The following FREM1 variants were observed in gnomAD, a reference collection of about 807,000 sequenced individuals.
FREM1 encodes FRAS1-related extracellular matrix protein 1.
FREM1 carries 220 observed loss-of-function variants against 210.1 expected under a neutral mutation model. The observed-to-expected ratio is 1.05, with a 90% confidence interval of 0.94 to 1.17. The LOEUF is 1.17. FREM1 is among the 50% of genes most tolerant of loss of function. The pLI, the probability that FREM1 is intolerant of heterozygous loss-of-function variation, is 0.00. For missense variants in FREM1, 3,454 were observed against 2,675.5 expected (o/e 1.29, Z -6.42); for synonymous variants, 1,189 against 980.2 (o/e 1.21, Z -3.98).
intron 7 of FREM1, among the ~76,000 whole-genome samples, chr9:14,848,336 T>C (rs369351817): frequency 7.2e-5 from 11 of 152,298 alleles, no homozygotes; most frequent in Non-Finnish European, 7.4e-5. Context: ...TTGGAACAAT[T>C]TGAGTTGGAG....
At position 14,772,576 on chromosome 9, in the gene FREM1, G is replaced by T. The variant is rs116777748; in HGVS notation, c.4858-1770C>A. 8.6e-3 allele frequency among the ~76,000 whole-genome samples: 1,305 copies of T among 152,160 alleles called. 16 individuals carry two copies. The highest frequency in any genetic ancestry group is 0.03 in the African/African-American group (1,250 of 41,520). On this transcript the variant is annotated intron_variant, in intron 25 of 36. Coordinates refer to ENST00000380880, the MANE Select transcript of FREM1 (RefSeq NM_001379081.2). ...GTTGTCAAGAATTTTTTTTCTTGTAGTTTATGAATTATTTACAATACATAG... is the reference window on the plus strand; with the variant it reads ...GTTGTCAAGAATTTTTTTTCTTGTATTTTATGAATTATTTACAATACATAG...
At chr9:14,793,102 G>C (rs925414602) in intron 21 of FREM1, among the ~76,000 whole-genome samples, 4 of 152,166 alleles carry the variant, frequency 2.6e-5, no homozygotes, top group African/African-American at 9.7e-5. Context: ...AATGAATGTG[G>C]GAAGAGGTAA....
At chr9:14,739,009 CA>C (rs386414499) in intron 36 of FREM1, among the ~76,000 whole-genome samples, 1,885 of 87,656 alleles carry the variant, frequency 0.022, 17 homozygotes, top group African/African-American at 0.08. Flanking sequence ...GATTCTGTCT[CA>C]AAAAAAAAAA....
At position 14,855,742 on chromosome 9, in the gene FREM1, T is replaced by A. The variant is rs115049659; in HGVS notation, c.828+1811A>T. Among the ~76,000 whole-genome samples the A allele has an allele frequency of 8.2e-3, 1,252 of 152,054 alleles. 18 individuals carry two copies. The highest frequency in any genetic ancestry group is 0.029 in the African/African-American group (1,186 of 41,444). On this transcript the variant is annotated intron_variant, in intron 5 of 36. Coordinates refer to ENST00000380880, the MANE Select transcript of FREM1 (RefSeq NM_001379081.2). Reference sequence around the variant, plus strand: ...CATGCCAAATAAGCTATGGAATAGGTTAATGATAAACAAAGCAAGAAGGTA... The same window carrying A: ...CATGCCAAATAAGCTATGGAATAGGATAATGATAAACAAAGCAAGAAGGTA...
At chr9:14,750,388 G>A in intron 29 of FREM1, 112 bp from the exon 30 acceptor site, 1 of 756,194 alleles carries the variant, frequency 1.3e-6, no homozygotes, top group South Asian at 1.9e-5. Flanking sequence ...GCCCGAGTGA[G>A]CTATTGTACT....
At chr9:14,891,120 T>G (rs868217166) in intron 1 of FREM1, among the ~76,000 whole-genome samples, 2 of 152,332 alleles carry the variant, frequency 1.3e-5, no homozygotes, top group South Asian at 2.1e-4. Flanking sequence ...TCTTCTTGAG[T>G]GAATTCTTCA....
At chr9:14,741,436 C>T (rs1368233002) in intron 35 of FREM1, among the ~76,000 whole-genome samples, 1 of 152,070 alleles carries the variant, frequency 6.6e-6, no homozygotes, top group Non-Finnish European at 1.5e-5. Flanking sequence ...GGCTCTTTGC[C>T]CCTCCACTGA....
In FREM1 at chr9:14,848,812, C is replaced by T. The variant is rs202051207; in HGVS notation, c.1153-39G>A. The T allele has an allele frequency of 2.9e-5, 36 of 1,234,644 alleles. No individual in the cohort carries two copies. In the African/African-American group the frequency reaches 4.2e-4, roughly 14 times the overall value. 76.5% of individuals were successfully genotyped at this position (1,234,644 alleles called of 1,614,324 possible). On this transcript the variant is annotated intron_variant, in intron 6 of 36. Transcript: ENST00000380880. ...GAGGCAAAGGAGCCACACACTGAAG[C>T]GTTACAGGGTAAAGTAGCATTAATT...
Position 14,851,627 on chromosome 9 carries a change from A to T in FREM1, c.829-20T>A, listed in dbSNP as rs1827774549. ...CTCTGACTTTTGAAGGATAGAGAAA[A>T]TATAAAGGAGGAAATAATATGAATG... On this transcript the variant is annotated intron_variant, in intron 5 of 36. Transcript: ENST00000380880. 6.5e-7 allele frequency: 1 copy of T among 1,545,066 alleles called. No individual in the cohort carries two copies.
Position 14,737,392 on chromosome 9 carries a change from A to G in FREM1, c.*4T>C. 1.2e-6 allele frequency: 2 copies of G among 1,611,950 alleles called. No homozygotes were observed. The highest frequency in any genetic ancestry group is 8.5e-7 in the Non-Finnish European group (1 of 1,178,506). On this transcript the variant is annotated 3_prime_UTR_variant, in exon 37 of 37. Coordinates refer to ENST00000380880, the MANE Select transcript of FREM1 (RefSeq NM_001379081.2). ...CAGGTGGCCCCCTGTAGGGTCTGTT[A>G]TATTTAGAGTTTTCTGGAACACACA...
At chr9:14,814,208 C>T (rs1344937173) in intron 15 of FREM1, among the ~76,000 whole-genome samples, 1 of 152,196 alleles carries the variant, frequency 6.6e-6, no homozygotes, top group African/African-American at 2.4e-5. Flanking sequence ...ATTATTTACT[C>T]TATTTTAGCA....
At chr9:14,841,717 T>A in intron 9 of FREM1, 128 bp from the exon 10 acceptor site, 1 of 589,742 alleles carries the variant, frequency 1.7e-6, no homozygotes, top group Non-Finnish European at 2.7e-6. Flanking sequence ...GAATCTGCAT[T>A]AAATGTTTTC....
chr9:14,860,628 C>CATAT (rs1382523468), intron 3 of FREM1, among the ~76,000 whole-genome samples: 1 of 136,374 alleles, frequency 7.3e-6, no homozygotes, highest in Non-Finnish European at 1.6e-5. Context: ...TATATATACA[C>CATAT]ATATATACAC....
chr9:14,763,682 C>T (rs937073550), intron 27 of FREM1, among the ~76,000 whole-genome samples: 11 of 152,196 alleles, frequency 7.2e-5, no homozygotes, highest in Admixed American at 2.0e-4. Context: ...TTTAAACACC[C>T]AATTTAAAAT....
chr9:14,757,060 C>A (rs1844522484), intron 28 of FREM1, among the ~76,000 whole-genome samples: 1 of 152,182 alleles, frequency 6.6e-6, no homozygotes, highest in South Asian at 2.1e-4. Context: ...AGGAGATCCA[C>A]ACCCAAAACC....
At position 14,759,816 on chromosome 9, in the gene FREM1, T is replaced by C. The variant is rs755330995; in HGVS notation, c.5290A>G (p.Ile1764Val). 6.2e-7 allele frequency: 1 copy of C among 1,612,962 alleles called. No homozygotes were observed. The highest frequency in any genetic ancestry group is 8.5e-7 in the Non-Finnish European group (1 of 1,179,288). Residue 1764 changes from isoleucine (I) to valine (V), a missense_variant, in exon 28 of 37, where the codon ATC becomes GTC. Physicochemically the swap from Ile to Val is conservative, Grantham distance 29. Transcript: ENST00000380880. The stretch of plus-strand genomic sequence containing the variant: ...GAGTCCATGGAATATCCCCTTCTGA[T>C]AATTTCCAAGGGCAACAAACCCACA... ...ENVGLLPLEI[I>V]RRGYSMDSAF...
At chr9:14,832,898 C>T (rs1289084206) in intron 10 of FREM1, among the ~76,000 whole-genome samples, 1 of 152,148 alleles carries the variant, frequency 6.6e-6, no homozygotes. Flanking sequence ...ATGGATCTAC[C>T]GAAGAAAAGG....
At chr9:14,903,914 G>A (rs1351997321) in intron 1 of FREM1, among the ~76,000 whole-genome samples, 2 of 152,016 alleles carry the variant, frequency 1.3e-5, no homozygotes, top group African/African-American at 4.8e-5. Context: ...GAGGTCAGGA[G>A]ATCAAGACCA....
chr9:14,774,147 G>C (rs768533000), intron 25 of FREM1: 1 of 518,868 alleles, frequency 1.9e-6, no homozygotes, highest in Admixed American at 1.9e-5. Flanking sequence ...GACTGCCAAG[G>C]ACTCATCCAG....
Sources: allele counts gnomAD v4.1 joint callset (sites outside exome capture counted in the v4.1 genomes callset), GRCh38; gene constraint gnomAD v4.1.1; transcripts MANE v1.5; gene names NCBI Gene and HGNC (gene_info 2026-07-23, HGNC 2026-07-21).